The following FBRSL1 variants were observed in gnomAD, a reference collection of about 807,000 sequenced individuals.
The protein encoded by FBRSL1 is fibrosin like 1, also known as fibrosin-1-like protein.
Under a neutral mutation model 89.6 loss-of-function variants are expected in FBRSL1, and 51 were observed. The ratio of observed to expected loss-of-function variants is 0.57; its 90% CI spans 0.45 to 0.72. FBRSL1 has a LOEUF of 0.72. Ranked by LOEUF, FBRSL1 falls within the 30% of genes least tolerant of loss-of-function variation. The pLI is 0.00. For missense variants in FBRSL1, 1,618 were observed against 1,451.8 expected, an observed-to-expected ratio of 1.11 and a Z score of -1.86; for synonymous variants, 779 against 681.1, an observed-to-expected ratio of 1.14 and a Z score of -2.24.
Position 132,582,214 on chromosome 12 carries a change from G to T in FBRSL1, c.2149G>T (p.Ala717Ser), listed in dbSNP as rs550744553. 8.3e-5 allele frequency: 128 copies of T among 1,550,226 alleles called. 1 individual carries two copies. The South Asian group carries it at 1.4e-3, about 16-fold the overall frequency. ...GTCCGTGGACGCGGAGCGGGTGTCA[G>T]CCCTGACCAACCATGACCGAGAGCC... ...PKSVDAERVS[A>S]LTNHDREPDN... Residue 717 changes from alanine to serine, a missense_variant, in exon 18 of 19, where the codon GCC (alanine) becomes TCC (serine). Coordinates refer to ENST00000680143, the MANE Select transcript of FBRSL1 (RefSeq NM_001367871.1).
At chr12:132,510,123 C>G (rs2034164713) in intron 2 of FBRSL1, 1 of 1,225,584 alleles carries the variant, frequency 8.2e-7, no homozygotes, top group South Asian at 4.1e-5. Context: ...GCCCTGCCCA[C>G]CCAAGCGGCC....
intron 1 of FBRSL1, among the ~76,000 whole-genome samples, chr12:132,495,961 CG>C (rs2031952488): frequency 6.6e-6 from 1 of 152,232 alleles, no homozygotes; most frequent in Non-Finnish European, 1.5e-5. Flanking sequence ...GCCTCGGGGT[CG>C]GGGCTGTTAC....
rs1359009827 is a variant in FBRSL1 at position 132,490,179 on chromosome 12, C to G, written c.-392C>G. On this transcript the variant is annotated 5_prime_UTR_variant, in exon 1 of 19. Coordinates refer to ENST00000680143, the MANE Select transcript of FBRSL1 (RefSeq NM_001367871.1). ...AGTTGTTATCTGTTCGGGGCGCCGCCGCCGCCTCACGAGCCCGGTGCCCAG... is the reference window on the plus strand; with the variant it reads ...AGTTGTTATCTGTTCGGGGCGCCGCGGCCGCCTCACGAGCCCGGTGCCCAG... 1 of 142,914 alleles carries G rather than the reference C, an allele frequency of 7.0e-6. No homozygotes were observed. Among genetic ancestry groups the G allele is most frequent in the African/African-American group, 2.6e-5 (1 of 38,838 alleles). 8.9% of individuals were successfully genotyped at this position (142,914 alleles called of 1,614,324 possible). A position where few individuals can be genotyped will look rare whatever the true frequency, so the allele number is the denominator to read the frequency against.
chr12:132,580,426 G>A (rs571076691), intron 15 of FBRSL1, among the ~76,000 whole-genome samples: 74 of 63,104 alleles, frequency 1.2e-3, no homozygotes, highest in East Asian at 6.3e-4. Context: ...CTCTGACCTC[G>A]CTGCCTTCTC....
In FBRSL1 at chr12:132,582,073, A is replaced by C; in HGVS notation, c.2008A>C (p.Ser670Arg). Residue 670 changes from serine (S) to arginine (R), a missense_variant, in exon 18 of 19, where the codon AGC becomes CGC. Ser to Arg is a moderately radical substitution (Grantham distance 110). Coordinates refer to ENST00000680143, the MANE Select transcript of FBRSL1 (RefSeq NM_001367871.1). ...LGSHALAPGG[S>R]IFAPKEGSSV... ...GCCTCTGCCCCCAGCTCCCGGTGGC[A>C]GCATCTTTGCCCCCAAGGAGGGCTC... 6.5e-7 allele frequency: 1 copy of C among 1,546,986 alleles called. No individual in the cohort carries two copies. The highest frequency in any genetic ancestry group is 2.0e-5 in the Admixed American group (1 of 50,876).
At chr12:132,504,513 T>C (rs1195558126) in intron 1 of FBRSL1, among the ~76,000 whole-genome samples, 1 of 152,072 alleles carries the variant, frequency 6.6e-6, no homozygotes, top group African/African-American at 2.4e-5. Context: ...GGCAGTGGCG[T>C]TGCGCAGGGA....
At chr12:132,581,117 G>A (rs908998712) in intron 15 of FBRSL1, 10 of 985,342 alleles carry the variant, frequency 1.0e-5, no homozygotes, top group African/African-American at 1.7e-5. Context: ...GTCCGATCAA[G>A]GTGCATGTTA....
chr12:132,574,340 G>A lies in FBRSL1; in HGVS notation c.1621G>A (p.Val541Met), dbSNP rs1398874255. The change falls in exon 13 of 19, where the codon GTG becomes ATG. Residue 541 changes from valine to methionine, a missense_variant. Coordinates refer to ENST00000680143, the MANE Select transcript of FBRSL1 (RefSeq NM_001367871.1). Reference sequence around the variant, plus strand: ...ACAGGTGTCTGACCCGTACCGGGCGGTGGTCAAGGTGAGCACGTGTTGGGA... The same window carrying A: ...ACAGGTGTCTGACCCGTACCGGGCGATGGTCAAGGTGAGCACGTGTTGGGA... ...APGVSDPYRA[V>M]VKKPGRWCAV... The A allele has an allele frequency of 6.5e-7, 1 of 1,549,522 alleles. No homozygotes were observed. Among genetic ancestry groups the A allele is most frequent in the South Asian group, 1.2e-5 (1 of 83,952 alleles).
chr12:132,549,260 C>T (rs997052163), intron 5 of FBRSL1, among the ~76,000 whole-genome samples: 1 of 152,148 alleles, frequency 6.6e-6, no homozygotes, highest in African/African-American at 2.4e-5. Flanking sequence ...CTTCCAGCCA[C>T]GATGTCCCTG....
Position 132,572,418 on chromosome 12 carries a change from G to A in FBRSL1, c.1434+74G>A. The A allele has an allele frequency of 2.6e-6, 4 of 1,519,598 alleles. No individual in the cohort carries two copies. In the East Asian group the frequency reaches 7.4e-5, roughly 28 times the overall value. 94.1% of individuals were successfully genotyped at this position (1,519,598 alleles called of 1,614,324 possible). On this transcript the variant is annotated intron_variant, in intron 10 of 18. Coordinates refer to ENST00000680143, the MANE Select transcript of FBRSL1 (RefSeq NM_001367871.1). ...TGGCCACGGGGCGGTGGGTGGGGCT[G>A]CCCCTCGCCTGGCCTCGCCCCTGCT...
At chr12:132,578,614 GCA>G (rs1188508062) in intron 15 of FBRSL1, among the ~76,000 whole-genome samples, 1 of 152,120 alleles carries the variant, frequency 6.6e-6, no homozygotes, top group East Asian at 1.9e-4. Context: ...ACAGGCACAG[GCA>G]CACACATGGG....
intron 1 of FBRSL1, among the ~76,000 whole-genome samples, chr12:132,504,039 CA>C (rs1410883471): frequency 1.3e-5 from 2 of 152,124 alleles, no homozygotes; most frequent in African/African-American, 4.8e-5. Flanking sequence ...TGACTTTGCC[CA>C]GGGGAACATG....
intron 1 of FBRSL1, among the ~76,000 whole-genome samples, chr12:132,493,403 CAA>C (rs2031437309): frequency 6.6e-6 from 1 of 152,212 alleles, no homozygotes; most frequent in South Asian, 2.1e-4. Context: ...TATAAACAAC[CAA>C]ACACAGGTGT....
intron 2 of FBRSL1, among the ~76,000 whole-genome samples, chr12:132,515,990 T>C (rs2034808850): frequency 6.8e-6 from 1 of 146,842 alleles, no homozygotes; most frequent in African/African-American, 2.5e-5. Flanking sequence ...AGTTGAGAAA[T>C]CCCTAGCTAG....
At chr12:132,507,417 A>T in intron 1 of FBRSL1, 2 of 985,494 alleles carry the variant, frequency 2.0e-6, no homozygotes, top group Non-Finnish European at 2.4e-6. Flanking sequence ...TCGAGTGTGG[A>T]GGTGGGGACC....
chr12:132,550,870 C>T (rs1017960353), intron 5 of FBRSL1: 1 of 160,786 alleles, frequency 6.2e-6, no homozygotes, highest in African/African-American at 2.4e-5. Flanking sequence ...CCTCAGGTCC[C>T]TCCTGGTCTT....
chr12:132,569,624 A>T (rs1044050828), intron 6 of FBRSL1, among the ~76,000 whole-genome samples: 2 of 151,750 alleles, frequency 1.3e-5, no homozygotes, highest in Non-Finnish European at 2.9e-5. Flanking sequence ...CCAGGGACTG[A>T]CTCTTGCAGG....
At chr12:132,580,924 G>A (rs2040702814) in intron 15 of FBRSL1, 5 of 985,354 alleles carry the variant, frequency 5.1e-6, no homozygotes, top group African/African-American at 3.5e-5. Context: ...TGGGGGGCCA[G>A]GGCTGATGTT....
In FBRSL1 at chr12:132,499,597, C is replaced by T. The variant is rs1431483266; in HGVS notation, c.292-8556C>T. On this transcript the variant is annotated intron_variant, in intron 1 of 18. Coordinates refer to ENST00000680143, the MANE Select transcript of FBRSL1 (RefSeq NM_001367871.1). The surrounding 1 kb of genome is among the most constrained non-coding windows in gnomAD (Gnocchi z 4.3). Reference sequence around the variant, plus strand: ...AGAGTGCAGGCTGTGAGGGGCAGCACCGTGGCGTGGCGGTTCCCGAGAGCC... The same window carrying T: ...AGAGTGCAGGCTGTGAGGGGCAGCATCGTGGCGTGGCGGTTCCCGAGAGCC... Among the ~76,000 whole-genome samples, 2 of 151,968 alleles carry T rather than the reference C, an allele frequency of 1.3e-5. No homozygotes were observed. Among genetic ancestry groups the T allele is most frequent in the Admixed American group, 6.6e-5 (1 of 15,252 alleles).
Sources: allele counts gnomAD v4.1 joint callset (sites outside exome capture counted in the v4.1 genomes callset), GRCh38; gene constraint gnomAD v4.1.1; non-coding constraint Gnocchi (gnomAD v3.1); transcripts MANE v1.5; gene names NCBI Gene and HGNC (gene_info 2026-07-23, HGNC 2026-07-21).